PTPRD: variants seen among roughly 807,000 people sequenced by gnomAD.
PTPRD encodes receptor-type tyrosine-protein phosphatase delta.
PTPRD carries 34 observed loss-of-function variants against 214.5 expected under a neutral mutation model. The ratio of observed to expected loss-of-function variants is 0.16; its 90% CI spans 0.12 to 0.21. The LOEUF (loss-of-function observed/expected upper bound fraction) is 0.21, where lower values mean the gene tolerates loss of function less well. Among genes scored for constraint, PTPRD ranks in the 10% least tolerant of loss-of-function variants. PTPRD has a pLI of 1.00. For missense variants in PTPRD, 2,545 were observed against 2,398.7 expected (o/e 1.06, Z -1.27); for synonymous variants, 1,128 against 845.7 (o/e 1.33, Z -5.79).
chr9:8,530,189 G>C lies in PTPRD; in HGVS notation c.353-1410C>G, dbSNP rs953070813. The stretch of plus-strand genomic sequence containing the variant: ...TTTTGATGCCTCCACCGTGTTGCCA[G>C]TCAACAGCATGTGTTCTCCAACTCT... On this transcript the variant is annotated intron_variant, in intron 14 of 45. Transcript: ENST00000381196. Among the ~76,000 whole-genome samples, 82 of 152,008 alleles carry C rather than the reference G, an allele frequency of 5.4e-4. 1 individual carries two copies. Among genetic ancestry groups the C allele is most frequent in the African/African-American group, 1.9e-3 (78 of 41,406 alleles).
At chr9:8,510,750 G>T (rs889793015) in intron 21 of PTPRD, among the ~76,000 whole-genome samples, 1 of 151,890 alleles carries the variant, frequency 6.6e-6, no homozygotes, top group Admixed American at 6.6e-5. Flanking sequence ...ACTTCCTCAG[G>T]GCATTTTGTC....
chr9:8,894,180 C>A (rs2098577804), intron 11 of PTPRD, among the ~76,000 whole-genome samples: 1 of 151,632 alleles, frequency 6.6e-6, no homozygotes, highest in Non-Finnish European at 1.5e-5. Context: ...GTGGTAAAAC[C>A]CTGTTTCTAC....
intron 3 of PTPRD, among the ~76,000 whole-genome samples, chr9:10,267,696 C>G (rs1393576018): frequency 6.6e-6 from 1 of 152,062 alleles, no homozygotes; most frequent in Non-Finnish European, 1.5e-5. Context: ...TGATCAGACT[C>G]TCTTCATAAT....
intron 14 of PTPRD, among the ~76,000 whole-genome samples, chr9:8,599,483 A>AT (rs1304652713): frequency 1.3e-5 from 2 of 152,210 alleles, no homozygotes; most frequent in South Asian, 2.1e-4. Flanking sequence ...GGAGTAATGA[A>AT]TTTTTTTGAT....
intron 10 of PTPRD, among the ~76,000 whole-genome samples, chr9:9,073,049 A>G (rs2099746091): frequency 6.6e-6 from 1 of 152,194 alleles, no homozygotes; most frequent in South Asian, 2.1e-4. Flanking sequence ...CAATAATATA[A>G]TGGTGAAACC....
In PTPRD at chr9:8,618,922, T is replaced by G. The variant is rs77406889; in HGVS notation, c.352+14395A>C. 5.6e-4 allele frequency among the ~76,000 whole-genome samples: 76 copies of G among 135,826 alleles called. 1 individual carries two copies. The highest frequency in any genetic ancestry group is 1.1e-3 in the African/African-American group (41 of 38,410). 89.1% of individuals were successfully genotyped at this position (135,826 alleles called of 152,430 possible). A position where few individuals can be genotyped will look rare whatever the true frequency, so the allele number is the denominator to read the frequency against. ...TTTGTCTGTGTTTTTTTGTTTTTTTTTTTTTTTTTTTTTTTTTACCGGAAA... is the reference window on the plus strand; with the variant it reads ...TTTGTCTGTGTTTTTTTGTTTTTTTGTTTTTTTTTTTTTTTTTACCGGAAA... On this transcript the variant is annotated intron_variant, in intron 14 of 45. Transcript: ENST00000381196.
intron 3 of PTPRD, among the ~76,000 whole-genome samples, chr9:10,145,787 ATGAT>A (rs1363368128): frequency 6.6e-6 from 1 of 152,156 alleles, no homozygotes; most frequent in African/African-American, 2.4e-5. Context: ...AATTCAAAGT[ATGAT>A]ATGATATGCT....
At chr9:10,158,987 G>A (rs2099110794) in intron 3 of PTPRD, among the ~76,000 whole-genome samples, 1 of 152,142 alleles carries the variant, frequency 6.6e-6, no homozygotes, top group Admixed American at 6.6e-5. Context: ...CTGTTCAGCA[G>A]CACCATGTTG....
chr9:8,496,172 A>G (rs1259801038), intron 26 of PTPRD, among the ~76,000 whole-genome samples: 1 of 54,414 alleles, frequency 1.8e-5, no homozygotes, highest in Non-Finnish European at 4.5e-5. Flanking sequence ...CAACTCTCCA[A>G]CACACACACA....
intron 2 of PTPRD, among the ~76,000 whole-genome samples, chr9:10,608,981 A>G (rs1327561060): frequency 6.6e-6 from 1 of 152,144 alleles, no homozygotes; most frequent in East Asian, 1.9e-4. Context: ...ACATAAGAAG[A>G]TAAGTTCAAA....
rs1821615161 is a variant in PTPRD at position 8,316,168 on chromosome 9, C to G, written c.*1706G>C. On this transcript the variant is annotated 3_prime_UTR_variant, in exon 46 of 46. Coordinates refer to ENST00000381196, the MANE Select transcript of PTPRD (RefSeq NM_002839.4). ...ATTATCCAAGTGCTTTGGGCTGGTA[C>G]AATCACTAACATCCCCGACTTGGCT... 8.7e-6 allele frequency: 2 copies of G among 229,756 alleles called. No individual in the cohort carries two copies. The highest frequency in any genetic ancestry group is 1.2e-4 in the East Asian group (2 of 16,078). 14.2% of individuals were successfully genotyped at this position (229,756 alleles called of 1,614,324 possible).
chr9:9,946,696 G>A lies in PTPRD; in HGVS notation c.-471-8086C>T, dbSNP rs1047534876. The stretch of plus-strand genomic sequence containing the variant: ...ACAGCTTGATCAGAGGAAAAACTGG[G>A]AACTATCTCGCACAATACAGAGACC... On this transcript the variant is annotated intron_variant, in intron 4 of 45. Transcript: ENST00000381196. 3.9e-5 allele frequency among the ~76,000 whole-genome samples: 6 copies of A among 152,164 alleles called. No homozygotes were observed. The East Asian group carries it at 9.7e-4, about 25-fold the overall frequency.
intron 11 of PTPRD, among the ~76,000 whole-genome samples, chr9:8,921,395 G>C (rs1379989435): frequency 6.6e-6 from 1 of 152,142 alleles, no homozygotes; most frequent in African/African-American, 2.4e-5. Context: ...ACTCACTTGG[G>C]AGGCTAAAGG....
intron 10 of PTPRD, among the ~76,000 whole-genome samples, chr9:9,024,291 G>A (rs2099579445): frequency 6.7e-6 from 1 of 149,392 alleles, no homozygotes; most frequent in Admixed American, 6.7e-5. Flanking sequence ...TTTTATGGAT[G>A]AAACATAATT....
chr9:9,671,797 G>T (rs190586207), intron 7 of PTPRD, among the ~76,000 whole-genome samples: 16 of 152,272 alleles, frequency 1.1e-4, no homozygotes, highest in Admixed American at 9.8e-4. Flanking sequence ...TCCCAGCCAT[G>T]TAGAACTGTA....
chr9:8,643,627 T>C (rs1022666844), intron 12 of PTPRD, among the ~76,000 whole-genome samples: 16 of 152,170 alleles, frequency 1.1e-4, no homozygotes, highest in African/African-American at 3.9e-4. Context: ...CTGCCACCAC[T>C]GCTCGCAGCT....
At chr9:10,391,132 C>G (rs150783594) in intron 2 of PTPRD, among the ~76,000 whole-genome samples, 1 of 151,742 alleles carries the variant, frequency 6.6e-6, no homozygotes, top group South Asian at 2.1e-4. Flanking sequence ...TAGGCCTTTT[C>G]TCTGGATTGG....
chr9:10,568,366 T>C (rs985348936), intron 2 of PTPRD, among the ~76,000 whole-genome samples: 1 of 152,088 alleles, frequency 6.6e-6, no homozygotes, highest in East Asian at 1.9e-4. Flanking sequence ...CAGTCTATCA[T>C]TGTTGGACAT....
intron 27 of PTPRD, among the ~76,000 whole-genome samples, chr9:8,488,560 A>C (rs909190187): frequency 6.6e-6 from 1 of 152,244 alleles, no homozygotes; most frequent in African/African-American, 2.4e-5. Flanking sequence ...GGAAAAATGC[A>C]TCCAGAGATC....
Sources: allele counts gnomAD v4.1 joint callset (sites outside exome capture counted in the v4.1 genomes callset), GRCh38; gene constraint gnomAD v4.1.1; transcripts MANE v1.5; gene names NCBI Gene and HGNC (gene_info 2026-07-23, HGNC 2026-07-21).